Variants in SCN10A observed in about 807,000 individuals in gnomAD.
The protein encoded by SCN10A is sodium voltage-gated channel alpha subunit 10, also known as sodium channel protein type 10 subunit alpha.
In SCN10A, 162 loss-of-function variants were observed where a neutral mutation model predicts 170.7. The observed-to-expected ratio is 0.95, with a 90% confidence interval of 0.84 to 1.08. SCN10A has a LOEUF of 1.08. SCN10A is among the 50% of genes least tolerant of loss of function. SCN10A has a pLI of 0.00. For synonymous variants in SCN10A, 985 were observed against 904.6 expected (o/e 1.09, Z -1.59); for missense variants, 2,527 against 2,436.9 (o/e 1.04, Z -0.78).
At position 38,776,092 on chromosome 3, in the gene SCN10A, C is replaced by T. The variant is rs559347626; in HGVS notation, c.471-4685G>A. ...TTGATAGCTTTATATCATTACTTGA[C>T]AAAAACGTTAGCAGATAATAAATTG... On this transcript the variant is annotated intron_variant, in intron 4 of 27. Transcript: ENST00000449082. Among the ~76,000 whole-genome samples the T allele has an allele frequency of 5.3e-5, 8 of 152,106 alleles. No homozygotes were observed. In the East Asian group the frequency reaches 7.7e-4, roughly 15 times the overall value.
chr3:38,750,301 T>C (rs1261615903), intron 12 of SCN10A, 117 bp from the exon 13 acceptor site: 2 of 603,514 alleles, frequency 3.3e-6, no homozygotes, highest in Non-Finnish European at 6.0e-6. Context: ...CACTTACAGA[T>C]AGAGATATGT....
At chr3:38,753,995 T>A (rs2063775994) in intron 11 of SCN10A, among the ~76,000 whole-genome samples, 1 of 152,224 alleles carries the variant, frequency 6.6e-6, no homozygotes, top group South Asian at 2.1e-4. Flanking sequence ...GCATTAGGTC[T>A]ATTTACCACA....
chr3:38,810,770 A>G (rs2064436733), intron 1 of SCN10A, among the ~76,000 whole-genome samples: 1 of 152,220 alleles, frequency 6.6e-6, no homozygotes, highest in Non-Finnish European at 1.5e-5. Flanking sequence ...ACATACCCCA[A>G]GCAGGTTTGT....
At position 38,697,838 on chromosome 3, in the gene SCN10A, A is replaced by G. The variant is rs184021595; in HGVS notation, c.5382T>C (p.Pro1794=). The change falls in exon 28 of 28, where the codon CCT becomes CCC. Residue 1794 remains proline, a synonymous_variant. Transcript: ENST00000449082. The part of the protein sequence containing the change: ...ILIQMDLPLV[P]GDKIHCLDIL... ...TGTCCAAGCAGTGGATCTTATCTCC[A>G]GGGACCAAAGGCAGGTCCATCTGGA... is the stretch of plus-strand genomic sequence containing the variant. 6.2e-7 allele frequency: 1 copy of G among 1,614,192 alleles called. No individual in the cohort carries two copies. Among genetic ancestry groups the G allele is most frequent in the African/African-American group, 1.3e-5 (1 of 75,062 alleles).
At chr3:38,777,154 G>C (rs1201645617) in intron 4 of SCN10A, among the ~76,000 whole-genome samples, 3 of 151,868 alleles carry the variant, frequency 2.0e-5, no homozygotes, top group Non-Finnish European at 4.4e-5. Flanking sequence ...CTTGTTGAAG[G>C]TCCCGGCCAA....
chr3:38,810,307 T>C (rs1057165942), intron 1 of SCN10A, among the ~76,000 whole-genome samples: 1 of 152,180 alleles, frequency 6.6e-6, no homozygotes, highest in Non-Finnish European at 1.5e-5. Context: ...ATTATGTAAA[T>C]GCCAACCAGT....
intron 5 of SCN10A, among the ~76,000 whole-genome samples, chr3:38,765,907 G>A (rs1330466174): frequency 6.0e-5 from 9 of 150,984 alleles, no homozygotes; most frequent in Admixed American, 5.9e-4. Flanking sequence ...GCAGTGTTTT[G>A]TAGTTTTCCT....
chr3:38,792,273 A>C lies in SCN10A; in HGVS notation c.271-105T>G. 4.9e-6 allele frequency: 7 copies of C among 1,436,426 alleles called. No homozygotes were observed. In the South Asian group the frequency reaches 9.1e-5, roughly 19 times the overall value. The allele number at this position is 1,436,426 out of a possible 1,614,324, so 89.0% of individuals were successfully genotyped here. A position where few individuals can be genotyped will look rare whatever the true frequency, so the allele number is the denominator to read the frequency against. ...GCATTATCTCAGGCTTATGAGCAAG[A>C]AGGGCTCTGGGAACTACAGGTCAAT... On this transcript the variant is annotated intron_variant, in intron 2 of 27. Transcript: ENST00000449082.
intron 11 of SCN10A, among the ~76,000 whole-genome samples, chr3:38,754,441 T>C (rs2063781512): frequency 6.6e-6 from 1 of 152,208 alleles, no homozygotes; most frequent in African/African-American, 2.4e-5. Flanking sequence ...AAGTTACAGC[T>C]CCTCTTTTTT....
rs535135021 is a variant in SCN10A, at chr3:38,793,413, CT to C, written c.270+327del. On this transcript the variant is annotated intron_variant, in intron 2 of 27. Coordinates refer to ENST00000449082, the MANE Select transcript of SCN10A (RefSeq NM_006514.4). The stretch of plus-strand genomic sequence containing the variant: ...TGCTCCTCCCCCAACCTCAAGATGT[CT>C]GCTCTCCACCTGCAAAGAGACCCAA... 5.9e-5 allele frequency among the ~76,000 whole-genome samples: 9 copies of C among 152,244 alleles called. No homozygotes were observed. The South Asian group carries it at 1.9e-3, about 32-fold the overall frequency.
At chr3:38,800,499 C>A (rs1180847314) in intron 1 of SCN10A, among the ~76,000 whole-genome samples, 1 of 152,172 alleles carries the variant, frequency 6.6e-6, no homozygotes, top group Non-Finnish European at 1.5e-5. Flanking sequence ...CTGGTGAAGC[C>A]ATGATCTACT....
At chr3:38,772,743 A>ACC (rs571433209) in intron 4 of SCN10A, among the ~76,000 whole-genome samples, 20 of 149,870 alleles carry the variant, frequency 1.3e-4, no homozygotes, top group Admixed American at 9.9e-4. Flanking sequence ...AAACAAAAAA[A>ACC]AAAAAACCTG....
intron 27 of SCN10A, among the ~76,000 whole-genome samples, chr3:38,701,090 T>C (rs2063151797): frequency 6.6e-6 from 1 of 152,184 alleles, no homozygotes; most frequent in Admixed American, 6.5e-5. Flanking sequence ...TAACACCTGC[T>C]TGACAGGGCT....
Position 38,697,351 on chromosome 3 carries a change from A to G in SCN10A, c.5869T>C (p.Ter1957GlnextTer1). The change falls in exon 28 of 28, where the codon TAG becomes CAG. Residue 1957 changes from the stop codon to glutamine (Q), a stop_lost. Transcript: ENST00000449082. ...ATATCCAGGCTGGAGTGTTCTCACT[A>G]GGGCCCAGGGGCAATCAGCTCCATA... ...TSMELIAPGP[*>Q] is the part of the protein sequence containing the mutation. 1.2e-6 allele frequency: 2 copies of G among 1,613,234 alleles called. No individual in the cohort carries two copies. The highest frequency in any genetic ancestry group is 1.7e-6 in the Non-Finnish European group (2 of 1,179,262).
chr3:38,758,626 T>C (rs1161526982), intron 8 of SCN10A, among the ~76,000 whole-genome samples: 2 of 152,184 alleles, frequency 1.3e-5, no homozygotes, highest in East Asian at 1.9e-4. Context: ...CATTGGCCAA[T>C]GTGGGCCTTT....
intron 15 of SCN10A, among the ~76,000 whole-genome samples, chr3:38,729,739 A>G (rs2063495962): frequency 6.6e-6 from 1 of 152,242 alleles, no homozygotes; most frequent in Admixed American, 6.5e-5. Context: ...TCTGAGCTCA[A>G]CTGTCAGTCT....
At chr3:38,762,377 G>A (rs1278727671) in intron 6 of SCN10A, among the ~76,000 whole-genome samples, 1 of 152,132 alleles carries the variant, frequency 6.6e-6, no homozygotes, top group Admixed American at 6.6e-5. Flanking sequence ...GGAATGGGGT[G>A]GGTGGAGTGT....
At chr3:38,814,936 G>A (rs996696338) in intron 1 of SCN10A, among the ~76,000 whole-genome samples, 1 of 152,158 alleles carries the variant, frequency 6.6e-6, no homozygotes, top group African/African-American at 2.4e-5. Context: ...ATATATACAC[G>A]TGGTTGCTTC....
intron 21 of SCN10A, 31 bp from the exon 22 acceptor site, chr3:38,714,111 C>G (rs2063306609): frequency 3.7e-6 from 6 of 1,608,882 alleles, no homozygotes; most frequent in Non-Finnish European, 5.1e-6. Context: ...AAACATCACT[C>G]TAGGTTTCCA....
Sources: gnomAD v4.1 joint callset for allele counts (sites outside exome capture counted in the v4.1 genomes callset) on GRCh38, gnomAD v4.1.1 for gene constraint, MANE v1.5 for transcripts, NCBI Gene and HGNC (gene_info 2026-07-23, HGNC 2026-07-21) for gene names.